The following PMEL variants were observed in gnomAD, a reference collection of about 807,000 sequenced individuals.
PMEL encodes the protein melanocyte protein PMEL.
A neutral mutation model predicts 64.9 loss-of-function variants in PMEL; 53 were observed. The ratio of observed to expected loss-of-function variants is 0.82; its 90% CI spans 0.66 to 1.03. The LOEUF is 1.03. Ranked by LOEUF, PMEL falls within the 50% of genes least tolerant of loss-of-function variation. PMEL has a pLI of 0.00. For missense variants in PMEL, 716 were observed against 814.9 expected, an observed-to-expected ratio of 0.88 and a Z score of 1.48; for synonymous variants, 299 against 316.2, an observed-to-expected ratio of 0.95 and a Z score of 0.58.
chr12:55,956,109 T>C lies in PMEL; in HGVS notation c.1465A>G (p.Ile489Val), dbSNP rs772227141. The change falls in exon 7 of 11, where the codon ATT becomes GTT. Residue 489 changes from isoleucine (I) to valine (V), a missense_variant. Ile to Val is a conservative substitution (Grantham distance 29). Coordinates refer to ENST00000548747, the MANE Select transcript of PMEL (RefSeq NM_001384361.1). ...RYGSFSVTLD[I>V]VQGIESAEIL... ...CAAAGTAGGCAAGACTCACGGACAA[T>C]GTCCAGGGTGACGGAAAAGGAACCA... 4.4e-6 allele frequency: 7 copies of C among 1,608,186 alleles called. No homozygotes were observed. The highest frequency in any genetic ancestry group is 3.3e-5 in the Admixed American group (2 of 60,000).
intron 3 of PMEL, among the ~76,000 whole-genome samples, chr12:55,960,903 T>A (rs189323330): frequency 6.6e-6 from 1 of 150,778 alleles, no homozygotes; most frequent in East Asian, 2.0e-4. Context: ...TATAACTTGT[T>A]TTAAAAATTA....
chr12:55,963,525 T>G (rs145765881), intron 1 of PMEL, among the ~76,000 whole-genome samples: 1 of 152,364 alleles, frequency 6.6e-6, no homozygotes, highest in African/African-American at 2.4e-5. Context: ...TGTCATTTCA[T>G]GCTAGACAAA....
At chr12:55,966,173 T>A, upstream of PMEL, 2 of 1,072,804 alleles carry the variant, frequency 1.9e-6, no homozygotes, top group Non-Finnish European at 2.6e-6. Context: ...GGGATCCTGG[T>A]CCCTAGACAT....
rs564489784 is a variant in PMEL at position 55,963,956 on chromosome 12, C to T, written c.76+1980G>A. On this transcript the variant is annotated intron_variant, in intron 1 of 10. Transcript: ENST00000548747. ...TACCCTCACCCCATTTTTCCCTTTC[C>T]TGCAGAAACTTCCTTCCCTTTCCTT... is the stretch of plus-strand genomic sequence containing the variant. Among the ~76,000 whole-genome samples the T allele has an allele frequency of 2.6e-4, 39 of 151,578 alleles. 1 individual carries two copies. Among genetic ancestry groups the T allele is most frequent in the African/African-American group, 9.0e-4 (37 of 41,322 alleles).
chr12:55,954,482 C>T, intron 10 of PMEL, 133 bp from the exon 11 acceptor site: 1 of 860,212 alleles, frequency 1.2e-6, no homozygotes, highest in Non-Finnish European at 1.8e-6. Flanking sequence ...TTCTCCTCAC[C>T]TCCAGGGTTT....
At chr12:55,958,776 T>C in intron 3 of PMEL, 169 bp from the exon 4 acceptor site, 1 of 662,988 alleles carries the variant, frequency 1.5e-6, no homozygotes, top group Non-Finnish European at 2.5e-6. Context: ...GGGTTGAGGG[T>C]GTGGAAACTA....
intron 1 of PMEL, among the ~76,000 whole-genome samples, chr12:55,962,469 A>C (rs1470028224): frequency 1.4e-5 from 2 of 146,514 alleles, no homozygotes; most frequent in South Asian, 2.1e-4. Context: ...AAAAAAAAAA[A>C]AACACAAAAA....
chr12:55,963,541 C>T (rs1177088600), intron 1 of PMEL, among the ~76,000 whole-genome samples: 1 of 152,172 alleles, frequency 6.6e-6, no homozygotes, highest in African/African-American at 2.4e-5. Flanking sequence ...ACAAAATTAT[C>T]AAACTCAGTC....
rs1230951016 is a variant in PMEL, at chr12:55,957,377, G to A, written c.926C>T (p.Thr309Ile). 9 of 1,597,610 alleles carry A rather than the reference G, an allele frequency of 5.6e-6. No individual in the cohort carries two copies. The highest frequency in any genetic ancestry group is 1.1e-5 in the South Asian group (1 of 88,346). The change falls in exon 6 of 11, where the codon ACC (threonine) becomes ATC (isoleucine). Residue 309 changes from threonine to isoleucine, a missense_variant. Thr to Ile is a moderately conservative substitution (Grantham distance 89, BLOSUM62 -1). Coordinates refer to ENST00000548747, the MANE Select transcript of PMEL (RefSeq NM_001384361.1). ...TGCAGTTGGCCTGTGCCCATCTGTGGTGCCTGGAACTGGGGAGGAGCCACA... is the reference window on the plus strand; with the variant it reads ...TGCAGTTGGCCTGTGCCCATCTGTGATGCCTGGAACTGGGGAGGAGCCACA... ...TSCGSSPVPG[T>I]TDGHRPTAEA...
At chr12:55,959,424 T>G (rs1040037080) in intron 3 of PMEL, among the ~76,000 whole-genome samples, 6 of 148,968 alleles carry the variant, frequency 4.0e-5, no homozygotes, top group African/African-American at 1.5e-4. Context: ...ATAAGAAAAA[T>G]AAAAGAAAAA....
intron 6 of PMEL, among the ~76,000 whole-genome samples, chr12:55,956,705 C>T (rs1334021432): frequency 6.6e-6 from 1 of 152,168 alleles, no homozygotes; most frequent in Non-Finnish European, 1.5e-5. Flanking sequence ...CAACCGTTCT[C>T]AGCAGTAGAG....
chr12:55,965,375 G>A (rs1336648075), intron 1 of PMEL, among the ~76,000 whole-genome samples: 1 of 151,884 alleles, frequency 6.6e-6, no homozygotes, highest in Non-Finnish European at 1.5e-5. Flanking sequence ...AGAGCAGCAC[G>A]GGACATTCCA....
At chr12:55,959,647 A>G (rs377011682) in intron 3 of PMEL, among the ~76,000 whole-genome samples, 1 of 151,980 alleles carries the variant, frequency 6.6e-6, no homozygotes, top group Admixed American at 6.5e-5. Context: ...TCTACTAAAA[A>G]TACAAAAATT....
At chr12:55,958,192 AC>A in intron 4 of PMEL, 108 bp from the exon 5 acceptor site, 1 of 1,186,526 alleles carries the variant, frequency 8.4e-7, no homozygotes, top group Non-Finnish European at 1.2e-6. Flanking sequence ...AAGTATGATT[AC>A]TTCTGAGGGT....
chr12:55,966,138 A>C, upstream of PMEL: 1 of 1,477,446 alleles, frequency 6.8e-7, no homozygotes, highest in South Asian at 1.3e-5. Context: ...GGGCCGGAGG[A>C]GAGGAAAAAG....
chr12:55,957,918 C>T lies in PMEL; in HGVS notation c.631+5G>A. Reference sequence around the variant, plus strand: ...AACTGGCCTTGCCCCTTCCTAAACCCTTACCAGTAATGGTGAAGGCTGAGC... The same window carrying T: ...AACTGGCCTTGCCCCTTCCTAAACCTTTACCAGTAATGGTGAAGGCTGAGC... On this transcript the variant is annotated splice_donor_5th_base_variant and intron_variant, in intron 5 of 10. Coordinates refer to ENST00000548747, the MANE Select transcript of PMEL (RefSeq NM_001384361.1). 6.2e-7 allele frequency: 1 copy of T among 1,614,112 alleles called. No individual in the cohort carries two copies. Among genetic ancestry groups the T allele is most frequent in the Non-Finnish European group, 8.5e-7 (1 of 1,179,968 alleles).
rs138648441 is a variant in PMEL, at chr12:55,956,178, G to A, written c.1396C>T (p.Leu466=). The change falls in exon 7 of 11, where the codon CTG becomes TTG. Residue 466 remains leucine (L), a synonymous_variant. Coordinates refer to ENST00000548747, the MANE Select transcript of PMEL (RefSeq NM_001384361.1). ...PLLDGTATLR[L]VKRQVPLDCV... is the part of the protein sequence containing the mutation. The stretch of plus-strand genomic sequence containing the variant: ...TCCAGGGGGACTTGTCTCTTCACCA[G>A]CCTTAAGGTGGCTGTACCATCCAGC... 1.3e-4 allele frequency: 202 copies of A among 1,613,872 alleles called. No individual in the cohort carries two copies. Among genetic ancestry groups the A allele is most frequent in the Non-Finnish European group, 1.6e-4 (185 of 1,179,862 alleles).
At chr12:55,958,746 C>T (rs2136441427) in intron 3 of PMEL, 139 bp from the exon 4 acceptor site, 2 of 864,364 alleles carry the variant, frequency 2.3e-6, no homozygotes, top group South Asian at 1.8e-5. Flanking sequence ...CATGATATAA[C>T]CATTTGGGGT....
chr12:55,966,285 A>T (rs1889296583), upstream of PMEL: 1 of 531,594 alleles, frequency 1.9e-6, no homozygotes, highest in African/African-American at 1.9e-5. Flanking sequence ...CAGCTGCGTA[A>T]CACATACCAG....
Sources: allele counts gnomAD v4.1 joint callset (sites outside exome capture counted in the v4.1 genomes callset), GRCh38; gene constraint gnomAD v4.1.1; transcripts MANE v1.5; gene names NCBI Gene and HGNC (gene_info 2026-07-23, HGNC 2026-07-21).